The following GLIS3 variants were observed in gnomAD, a reference collection of about 807,000 sequenced individuals.
GLIS3 encodes the protein zinc finger protein GLIS3.
In GLIS3, 53 loss-of-function variants were observed where a neutral mutation model predicts 78.6. The observed-to-expected ratio is 0.67, with a 90% CI of 0.54 to 0.85. The LOEUF is 0.85. Among genes scored for constraint, GLIS3 ranks in the 40% least tolerant of loss-of-function variants. The pLI, the probability that GLIS3 is intolerant of heterozygous loss-of-function variation, is 0.00. For missense variants in GLIS3, 1,703 were observed against 1,231.1 expected (o/e 1.38, Z -5.74); for synonymous variants, 684 against 509.9 (o/e 1.34, Z -4.60).
At chr9:4,426,429 A>C in the GLIS3 span, among the ~76,000 whole-genome samples, 1 of 152,162 alleles carries the variant, frequency 6.6e-6, no homozygotes, top group Non-Finnish European at 1.5e-5. Flanking sequence ...AGTTTCCCAA[A>C]CATGCAGTGG....
chr9:4,451,147 G>C, the GLIS3 span, among the ~76,000 whole-genome samples: 1 of 152,136 alleles, frequency 6.6e-6, no homozygotes, highest in Non-Finnish European at 1.5e-5. Context: ...TAAAGGGATG[G>C]AGGAAGATCT....
intron 4 of GLIS3, among the ~76,000 whole-genome samples, chr9:4,053,703 C>CACAAAAAAAAAAAAAAAA (rs1401904227): frequency 3.8e-5 from 1 of 26,592 alleles, no homozygotes; most frequent in African/African-American, 6.9e-5. Context: ...TTTCTTTCTT[C>CACAAAAAAAAAAAAAAAA]ATAAAAAAAA....
At chr9:4,306,402 C>T (rs1487805237) in intron 4 of GLIS3, among the ~76,000 whole-genome samples, 1 of 152,156 alleles carries the variant, frequency 6.6e-6, no homozygotes, top group African/African-American at 2.4e-5. Flanking sequence ...TACACAATGC[C>T]CGCTTTCAGA....
intron 2 of GLIS3, among the ~76,000 whole-genome samples, chr9:4,284,155 C>T (rs527376486): frequency 3.3e-5 from 5 of 152,336 alleles, no homozygotes; most frequent in South Asian, 2.1e-4. Flanking sequence ...AAGTTACTTA[C>T]TCTTTCTAGA....
chr9:4,407,085 T>C, the GLIS3 span, among the ~76,000 whole-genome samples: 1 of 152,174 alleles, frequency 6.6e-6, no homozygotes, highest in Non-Finnish European at 1.5e-5. Context: ...GGTAATGGTA[T>C]AAAAATAGAC....
chr9:4,197,092 T>C (rs76775093), intron 2 of GLIS3, among the ~76,000 whole-genome samples: 1 of 152,066 alleles, frequency 6.6e-6, no homozygotes, highest in Non-Finnish European at 1.5e-5. Flanking sequence ...TCCTAGCCTA[T>C]ATCAGCAGCC....
At chr9:4,445,146 T>C in the GLIS3 span, among the ~76,000 whole-genome samples, 1 of 152,198 alleles carries the variant, frequency 6.6e-6, no homozygotes, top group Non-Finnish European at 1.5e-5. Context: ...AGGCACAGGA[T>C]TTGTTTCTTT....
At chr9:4,268,126 G>A (rs1289304690) in intron 2 of GLIS3, among the ~76,000 whole-genome samples, 1 of 152,138 alleles carries the variant, frequency 6.6e-6, no homozygotes, top group Non-Finnish European at 1.5e-5. Flanking sequence ...TAGAGCCAAA[G>A]TGGCTGGTTC....
intron 6 of GLIS3, among the ~76,000 whole-genome samples, chr9:3,911,369 T>C (rs1369014268): frequency 6.6e-6 from 1 of 152,248 alleles, no homozygotes; most frequent in Admixed American, 6.5e-5. Flanking sequence ...TAAAGCTGCA[T>C]TGCTGTTGAG....
chr9:3,897,329 A>C (rs951575210), intron 7 of GLIS3, among the ~76,000 whole-genome samples: 2 of 152,214 alleles, frequency 1.3e-5, no homozygotes, highest in Non-Finnish European at 2.9e-5. Context: ...AATGCTTTAT[A>C]GGCTGTTTAA....
intron 7 of GLIS3, among the ~76,000 whole-genome samples, chr9:3,890,008 C>T (rs1022516425): frequency 6.6e-6 from 1 of 152,152 alleles, no homozygotes; most frequent in Admixed American, 6.5e-5. Flanking sequence ...TTTTTTTAGA[C>T]ACCTGAGAGT....
At chr9:4,106,766 T>G (rs1027100508) in intron 4 of GLIS3, among the ~76,000 whole-genome samples, 1 of 152,172 alleles carries the variant, frequency 6.6e-6, no homozygotes, top group African/African-American at 2.4e-5. Context: ...TGCACAATGG[T>G]AGAACTCTCA....
chr9:4,353,485 C>T, the GLIS3 span, among the ~76,000 whole-genome samples: 1 of 152,152 alleles, frequency 6.6e-6, no homozygotes, highest in African/African-American at 2.4e-5. Flanking sequence ...CTGGACTCAG[C>T]CCAGCCAAGA....
chr9:4,135,130 G>A (rs534740877), intron 2 of GLIS3, among the ~76,000 whole-genome samples: 3 of 152,204 alleles, frequency 2.0e-5, no homozygotes, highest in African/African-American at 7.2e-5. Context: ...CATCCCTAAG[G>A]TTTATTAGCT....
Position 3,977,563 on chromosome 9 carries a change from G to A in GLIS3, c.1711-40374C>T, listed in dbSNP as rs1818898167. Among the ~76,000 whole-genome samples, 1 of 152,172 alleles carries A rather than the reference G, an allele frequency of 6.6e-6. No homozygotes were observed. Among genetic ancestry groups the A allele is most frequent in the Non-Finnish European group, 1.5e-5 (1 of 68,032 alleles). ...GCAGATATATACCCTGCTCAGATGT[G>A]CTGTATGGGATGTGAGCTGGGTTTC... On this transcript the variant is annotated intron_variant, in intron 4 of 10. Coordinates refer to ENST00000381971, the MANE Select transcript of GLIS3 (RefSeq NM_001042413.2). This position sits in a 1 kb window ranked among gnomAD's most constrained non-coding sequence, Gnocchi z 4.1.
At chr9:4,467,563 G>A in the GLIS3 span, among the ~76,000 whole-genome samples, 4 of 152,322 alleles carry the variant, frequency 2.6e-5, no homozygotes, top group Middle Eastern at 6.8e-3. Flanking sequence ...ATCTGCAGCT[G>A]AGGGACCTGA....
upstream of GLIS3, among the ~76,000 whole-genome samples, chr9:4,352,534 A>C (rs998781992): frequency 3.9e-5 from 6 of 152,272 alleles, no homozygotes; most frequent in Non-Finnish European, 5.9e-5. Context: ...TGGAAACCAA[A>C]CAACCATGCT....
At chr9:4,253,070 A>C (rs888377116) in intron 2 of GLIS3, among the ~76,000 whole-genome samples, 1 of 152,176 alleles carries the variant, frequency 6.6e-6, no homozygotes, top group African/African-American at 2.4e-5. Flanking sequence ...GAGGTGTCTC[A>C]CGATTAGGAG....
chr9:3,911,243 A>T (rs978042087), intron 6 of GLIS3, among the ~76,000 whole-genome samples: 8 of 152,174 alleles, frequency 5.3e-5, no homozygotes, highest in Admixed American at 4.6e-4. Context: ...CCCTGCTCTC[A>T]CAGAGTTTAC....
Sources: gnomAD v4.1 joint callset for allele counts (sites outside exome capture counted in the v4.1 genomes callset) on GRCh38, gnomAD v4.1.1 for gene constraint, Gnocchi (gnomAD v3.1) non-coding constraint, MANE v1.5 for transcripts, NCBI Gene and HGNC (gene_info 2026-07-23, HGNC 2026-07-21) for gene names.